The following SHROOM3 variants were observed in gnomAD, a reference collection of about 807,000 sequenced individuals.
SHROOM3 encodes protein Shroom3.
SHROOM3 carries 47 observed loss-of-function variants against 138.6 expected under a neutral mutation model. That is an observed-to-expected ratio of 0.34 (90% CI 0.27 to 0.43). The LOEUF (loss-of-function observed/expected upper bound fraction) is 0.43, where lower values mean the gene tolerates loss of function less well. SHROOM3 is among the 20% of genes least tolerant of loss of function. The pLI is 1.00. For missense variants in SHROOM3, 2,491 were observed against 2,596.5 expected (o/e 0.96, Z 0.88); for synonymous variants, 1,062 against 1,063.3 (o/e 1.00, Z 0.02).
chr4:76,713,745 G>A (rs1048015798), intron 3 of SHROOM3, among the ~76,000 whole-genome samples: 1 of 152,154 alleles, frequency 6.6e-6, no homozygotes, highest in African/African-American at 2.4e-5. Flanking sequence ...CGTGAGTGAT[G>A]GCTACAGCTT....
chr4:76,538,277 G>T (rs140789357), intron 1 of SHROOM3, among the ~76,000 whole-genome samples: 108 of 152,324 alleles, frequency 7.1e-4, no homozygotes, highest in African/African-American at 2.5e-3. Flanking sequence ...AAAAGAAAAG[G>T]AGGAGGTGGT....
intron 1 of SHROOM3, among the ~76,000 whole-genome samples, chr4:76,547,743 A>G (rs1348281969): frequency 2.6e-5 from 4 of 151,952 alleles, no homozygotes; most frequent in Non-Finnish European, 5.9e-5. Context: ...CAGCCTGGCC[A>G]ACATGGTGAA....
intron 1 of SHROOM3, among the ~76,000 whole-genome samples, chr4:76,482,528 T>C (rs1263042796): frequency 1.3e-5 from 2 of 152,196 alleles, no homozygotes; most frequent in East Asian, 1.9e-4. Context: ...AAACATTCCA[T>C]GTTCATGGAT....
At chr4:76,487,184 A>G (rs1448347584) in intron 1 of SHROOM3, among the ~76,000 whole-genome samples, 1 of 152,196 alleles carries the variant, frequency 6.6e-6, no homozygotes, top group East Asian at 1.9e-4. Context: ...AAATAGAACC[A>G]TATACTGTGT....
At chr4:76,468,435 A>C (rs563258663) in intron 1 of SHROOM3, among the ~76,000 whole-genome samples, 11 of 152,122 alleles carry the variant, frequency 7.2e-5, no homozygotes, top group Non-Finnish European at 1.6e-4. Context: ...AAATTATAGA[A>C]TTCCTTGTCT....
At position 76,599,752 on chromosome 4, in the gene SHROOM3, G is replaced by A. The variant is rs1370523364; in HGVS notation, c.323+43989G>A. On this transcript the variant is annotated intron_variant, in intron 2 of 10. Coordinates refer to ENST00000296043, the MANE Select transcript of SHROOM3 (RefSeq NM_020859.4). Reference sequence around the variant, plus strand: ...TAGGGAAATACAGTTTCCTCATGGAGCTGTTACGAGGGTTAAGGAAAGTGG... The same window carrying A: ...TAGGGAAATACAGTTTCCTCATGGAACTGTTACGAGGGTTAAGGAAAGTGG... 2.0e-5 allele frequency among the ~76,000 whole-genome samples: 3 copies of A among 152,162 alleles called. No homozygotes were observed. In the East Asian group the frequency reaches 5.8e-4, roughly 29 times the overall value.
chr4:76,731,818 G>A (rs1720896023), intron 4 of SHROOM3, among the ~76,000 whole-genome samples: 1 of 151,248 alleles, frequency 6.6e-6, no homozygotes, highest in African/African-American at 2.4e-5. Context: ...AGAAATTTAA[G>A]CTTGGAAAGA....
At chr4:76,624,727 A>G (rs1428056990) in intron 2 of SHROOM3, among the ~76,000 whole-genome samples, 1 of 152,242 alleles carries the variant, frequency 6.6e-6, no homozygotes, top group African/African-American at 2.4e-5. Context: ...TAACATCTGT[A>G]CTAATATGAG....
chr4:76,687,269 C>T (rs558439273), intron 2 of SHROOM3, among the ~76,000 whole-genome samples: 2 of 152,230 alleles, frequency 1.3e-5, no homozygotes, highest in South Asian at 2.1e-4. Context: ...AAAATATTTT[C>T]GCATTTTTAA....
chr4:76,755,909 C>A (rs1253922965), intron 7 of SHROOM3, among the ~76,000 whole-genome samples: 1 of 152,202 alleles, frequency 6.6e-6, no homozygotes, highest in Non-Finnish European at 1.5e-5. Context: ...ACCAAAAAAA[C>A]ACATTGCCTG....
intron 2 of SHROOM3, among the ~76,000 whole-genome samples, chr4:76,601,694 G>A (rs1467180700): frequency 6.6e-6 from 1 of 152,062 alleles, no homozygotes; most frequent in Non-Finnish European, 1.5e-5. Flanking sequence ...AGTAGAGACA[G>A]GATTTCACTA....
chr4:76,488,300 C>T (rs534684785), intron 1 of SHROOM3, among the ~76,000 whole-genome samples: 1 of 152,122 alleles, frequency 6.6e-6, no homozygotes, highest in South Asian at 2.1e-4. Flanking sequence ...AAATAAACAT[C>T]GTCTTAGAAT....
At chr4:76,720,613 CTT>C (rs35881578) in intron 3 of SHROOM3, among the ~76,000 whole-genome samples, 31 of 135,650 alleles carry the variant, frequency 2.3e-4, no homozygotes, top group Admixed American at 3.7e-4. Flanking sequence ...TGAATTCTTT[CTT>C]TTTTTTTTTT....
chr4:76,716,142 C>T (rs1157852351), intron 3 of SHROOM3: 3 of 341,716 alleles, frequency 8.8e-6, no homozygotes, highest in African/African-American at 2.1e-5. Context: ...TTCTCTTCTT[C>T]CCTCTTACAG....
At chr4:76,545,859 T>G (rs958555245) in intron 1 of SHROOM3, among the ~76,000 whole-genome samples, 1 of 152,152 alleles carries the variant, frequency 6.6e-6, no homozygotes. Context: ...GTATTGGAAG[T>G]GGGATTTATA....
In SHROOM3 at chr4:76,637,934, CT is replaced by C. The variant is rs375469166; in HGVS notation, c.324-72221del. Among the ~76,000 whole-genome samples, 54 of 152,252 alleles carry C rather than the reference CT, an allele frequency of 3.5e-4. No homozygotes were observed. In the South Asian group the frequency reaches 0.01, roughly 29 times the overall value. ...GGTCAGGTCTGGCAGGGTTTAATGACTCAATTCGTGTGCTGAGTGGCATCTT... is the reference window on the plus strand; with the variant it reads ...GGTCAGGTCTGGCAGGGTTTAATGACCAATTCGTGTGCTGAGTGGCATCTT... On this transcript the variant is annotated intron_variant, in intron 2 of 10. Coordinates refer to ENST00000296043, the MANE Select transcript of SHROOM3 (RefSeq NM_020859.4).
chr4:76,565,159 TCA>T lies in SHROOM3; in HGVS notation c.323+9397_323+9398del, dbSNP rs1491256852. Among the ~76,000 whole-genome samples the T allele has an allele frequency of 7.5e-4, 57 of 75,640 alleles. 1 individual carries two copies. Among genetic ancestry groups the T allele is most frequent in the African/African-American group, 6.1e-4 (12 of 19,626 alleles). 49.6% of individuals were successfully genotyped at this position (75,640 alleles called of 152,430 possible). ...CTGGGTGACAGGGCGAGACTCCATT[TCA>T]AAAAAAAAAAAAAAAAAAAAAGAAT... On this transcript the variant is annotated intron_variant, in intron 2 of 10. Transcript: ENST00000296043.
chr4:76,476,889 C>T (rs369545416), intron 1 of SHROOM3, among the ~76,000 whole-genome samples: 4 of 152,212 alleles, frequency 2.6e-5, no homozygotes, highest in South Asian at 4.2e-4. Context: ...GGAGTTCCTA[C>T]GAGTGTGGAG....
chr4:76,769,241 C>CGT (rs1309105615), intron 9 of SHROOM3, among the ~76,000 whole-genome samples: 1 of 147,752 alleles, frequency 6.8e-6, no homozygotes, highest in Non-Finnish European at 1.5e-5. Flanking sequence ...TGTCTATATG[C>CGT]GTGTGTGTGT....
Sources: gnomAD v4.1 joint callset for allele counts (sites outside exome capture counted in the v4.1 genomes callset) on GRCh38, gnomAD v4.1.1 for gene constraint, MANE v1.5 for transcripts, NCBI Gene and HGNC (gene_info 2026-07-23, HGNC 2026-07-21) for gene names.